Variants in CCDC74B observed in about 807,000 individuals in gnomAD.
The protein encoded by CCDC74B is coiled-coil domain containing 74B, also known as coiled-coil domain-containing protein 74B.
CCDC74B carries 34 observed loss-of-function variants against 38.0 expected under a neutral mutation model. The ratio of observed to expected loss-of-function variants is 0.89; its 90% CI spans 0.68 to 1.19. CCDC74B has a LOEUF of 1.19. CCDC74B is among the 50% of genes most tolerant of loss of function. The pLI, the probability that CCDC74B is intolerant of heterozygous loss-of-function variation, is 0.00. For missense variants in CCDC74B, 358 were observed against 406.0 expected (o/e 0.88, Z 1.02); for synonymous variants, 132 against 170.4 (o/e 0.77, Z 1.76).
rs909231555 is a variant in CCDC74B, at chr2:130,143,282, T to C, written c.282A>G (p.Thr94=). The part of the protein sequence containing the change: ...DLRYKLIMNQ[T]SQKKDSLSTS... Reference sequence around the variant, plus strand: ...CCCAGTTCTCACCTTTCTTCTGTGATGTCTGATTCATTATGAGCTTGTAAC... The same window carrying C: ...CCCAGTTCTCACCTTTCTTCTGTGACGTCTGATTCATTATGAGCTTGTAAC... Residue 94 remains threonine, a synonymous_variant, in exon 2 of 8, where the codon ACA becomes ACG. Coordinates refer to ENST00000409943, the MANE Select transcript of CCDC74B (RefSeq NM_001258307.2). 6.8e-6 allele frequency: 11 copies of C among 1,613,876 alleles called. No individual in the cohort carries two copies. The African/African-American group carries it at 1.3e-4, about 20-fold the overall frequency.
At chr2:130,143,054 C>G (rs1420207158) in intron 2 of CCDC74B, 15 of 1,488,966 alleles carry the variant, frequency 1.0e-5, no homozygotes, top group Non-Finnish European at 1.3e-5. Flanking sequence ...TGACCTCAGG[C>G]CCTGGGCTTC....
At position 130,140,127 on chromosome 2, in the gene CCDC74B, C is replaced by T. The variant is rs750046724; in HGVS notation, c.679-31G>A. 1.5e-5 allele frequency: 24 copies of T among 1,611,646 alleles called. No individual in the cohort carries two copies. In the East Asian group the frequency reaches 5.3e-4, roughly 36 times the overall value. On this transcript the variant is annotated intron_variant, in intron 5 of 7. Coordinates refer to ENST00000409943, the MANE Select transcript of CCDC74B (RefSeq NM_001258307.2). ...AGGCAGGGGCAGGGGCGTGGTGGGGCCTGTGGCGGTGCCAGACTGCCCAGG... is the reference window on the plus strand; with the variant it reads ...AGGCAGGGGCAGGGGCGTGGTGGGGTCTGTGGCGGTGCCAGACTGCCCAGG...
rs774342770 is a variant in CCDC74B at position 130,145,042 on chromosome 2, A to G, written c.-46T>C. The G allele has an allele frequency of 5.7e-6, 8 of 1,408,438 alleles. No individual in the cohort carries two copies. The highest frequency in any genetic ancestry group is 5.6e-6 in the Non-Finnish European group (6 of 1,076,978). 87.2% of individuals were successfully genotyped at this position (1,408,438 alleles called of 1,614,324 possible). A position where few individuals can be genotyped will look rare whatever the true frequency, so the allele number is the denominator to read the frequency against. ...TCCCGCTGCCACTGCACCCCGGCTCAGTGGCCAGGCCGCCCTAGCCTGGCG... is the reference window on the plus strand; with the variant it reads ...TCCCGCTGCCACTGCACCCCGGCTCGGTGGCCAGGCCGCCCTAGCCTGGCG... On this transcript the variant is annotated 5_prime_UTR_variant, in exon 1 of 8. Transcript: ENST00000409943.
chr2:130,142,145 T>C lies in CCDC74B; in HGVS notation c.334A>G (p.Ile112Val), dbSNP rs1292174713. 6.2e-7 allele frequency: 1 copy of C among 1,613,674 alleles called. No individual in the cohort carries two copies. The highest frequency in any genetic ancestry group is 1.7e-5 in the Admixed American group (1 of 60,018). ...STSSFQSVKS[I>V]SNSGKARPQP... ...CCAGCCTGCTCACCTGAATTAGAGA[T>C]GGACTTGACAGACTGGAAGCTTGAC... Residue 112 changes from isoleucine to valine, a missense_variant, in exon 3 of 8, where the codon ATC becomes GTC. Around this residue, in one of 3 missense-constraint regions of CCDC74B, gnomAD observed 17 missense variants for 47.1 expected, o/e 0.36. Transcript: ENST00000409943.
intron 2 of CCDC74B, chr2:130,142,538 G>A (rs781529448): frequency 1.0e-5 from 16 of 1,552,276 alleles, no homozygotes; most frequent in East Asian, 4.9e-5. Context: ...TTGCCACAGC[G>A]GCTAGGGAAG....
At chr2:130,143,100 A>G in intron 2 of CCDC74B, 169 bp downstream of exon 2, 3 of 1,492,010 alleles carry the variant, frequency 2.0e-6, no homozygotes, top group Non-Finnish European at 2.7e-6. Flanking sequence ...GCTGCGTAAC[A>G]TCATCCAGCC....
chr2:130,143,900 C>T (rs10202355), intron 1 of CCDC74B, among the ~76,000 whole-genome samples: 66,197 of 143,456 alleles, frequency 0.46, 16,371 homozygotes, highest in African/African-American at 0.64. Context: ...GGGCCCTCCT[C>T]CTGCTCGGGG....
Position 130,140,222 on chromosome 2 carries a change from A to G in CCDC74B, c.635T>C (p.Leu212Pro), listed in dbSNP as rs754491204. 20 of 1,613,192 alleles carry G rather than the reference A, an allele frequency of 1.2e-5. No individual in the cohort carries two copies. The highest frequency in any genetic ancestry group is 1.7e-5 in the Admixed American group (1 of 59,952). ...KPTTLRQCEV[L>P]IRELWNTNLL... ...GTTGGTATTCCACAGCTCGCGGATG[A>G]GCACTTCGCACTGCCTAAGTGTGGT... The change falls in exon 5 of 8, where the codon CTC (leucine) becomes CCC (proline). Residue 212 changes from leucine (L) to proline (P), a missense_variant. Transcript: ENST00000409943.
At position 130,142,219 on chromosome 2, in the gene CCDC74B, G is replaced by T. The variant is rs376959994; in HGVS notation, c.296-36C>A. 1.9e-6 allele frequency: 3 copies of T among 1,595,166 alleles called. No individual in the cohort carries two copies. The Admixed American group carries it at 5.2e-5, about 28-fold the overall frequency. On this transcript the variant is annotated intron_variant, in intron 2 of 7. Coordinates refer to ENST00000409943, the MANE Select transcript of CCDC74B (RefSeq NM_001258307.2). ...GCGCACAGTGTCGGCGCTACCGCCC[G>T]CAAGACGCCCATGCTTGCCTCCTGG...
Position 130,141,688 on chromosome 2 carries a change from C to T in CCDC74B, c.347-392G>A, listed in dbSNP as rs1685641197. On this transcript the variant is annotated intron_variant, in intron 3 of 7. Transcript: ENST00000409943. The stretch of plus-strand genomic sequence containing the variant: ...GGGCTGAGGAAAATGCCCGGCCTCA[C>T]AGAGTGGGGAAAAGAGGCTCTCTGC... 5 of 365,018 alleles carry T rather than the reference C, an allele frequency of 1.4e-5. No homozygotes were observed. In the South Asian group the frequency reaches 1.7e-4, roughly 13 times the overall value. The allele number at this position is 365,018 out of a possible 1,614,324, so 22.6% of individuals were successfully genotyped here.
rs1685463279 is a variant in CCDC74B at position 130,139,704 on chromosome 2, G to A, written c.810-14C>T. On this transcript the variant is annotated splice_polypyrimidine_tract_variant and intron_variant, in intron 7 of 7. Coordinates refer to ENST00000409943, the MANE Select transcript of CCDC74B (RefSeq NM_001258307.2). ...CTCAGAAGCAGGCTGGGGGCGGGTA[G>A]AGGGACTGTCACCGTGAGCATCCTC... 1.2e-6 allele frequency: 2 copies of A among 1,612,418 alleles called. No individual in the cohort carries two copies. The highest frequency in any genetic ancestry group is 1.7e-6 in the Non-Finnish European group (2 of 1,179,892).
chr2:130,144,599 C>T, intron 1 of CCDC74B, 148 bp downstream of exon 1: 10 of 1,546,706 alleles, frequency 6.5e-6, no homozygotes, highest in South Asian at 2.4e-5. Context: ...GGGGACAGCT[C>T]AGCGTGGCAG....
chr2:130,139,905 G>T lies in CCDC74B; in HGVS notation c.795C>A (p.Ser265Arg), dbSNP rs757449095. The T allele has an allele frequency of 7.4e-6, 12 of 1,612,324 alleles. No individual in the cohort carries two copies. The highest frequency in any genetic ancestry group is 1.0e-5 in the Non-Finnish European group (12 of 1,179,266). Residue 265 changes from serine to arginine, a missense_variant, in exon 7 of 8, where the codon AGC (serine) becomes AGA (arginine). By Grantham distance (110) the Ser-to-Arg change is moderately radical. Around this residue, in one of 3 missense-constraint regions of CCDC74B, gnomAD observed 213 missense variants for 212.3 expected, o/e 1.00. Transcript: ENST00000409943. ...GTGGGACTTACCATTTCTTGGAGAG[G>T]CTCTTGGTGGAGACCTTGGGGAAAT... is the stretch of plus-strand genomic sequence containing the variant. ...ATHFPKVSTKSLSKKCLLLSP... is the reference protein window; with the variant it reads ...ATHFPKVSTKRLSKKCLLLSP...
At chr2:130,144,463 G>T in intron 1 of CCDC74B, 3 of 1,414,632 alleles carry the variant, frequency 2.1e-6, no homozygotes, top group Non-Finnish European at 2.0e-6. Context: ...TTTAACAGAG[G>T]TGTGTCTGAC....
At chr2:130,142,580 T>C (rs1484741933) in intron 2 of CCDC74B, 29 of 1,548,992 alleles carry the variant, frequency 1.9e-5, no homozygotes, top group Admixed American at 3.9e-5. Flanking sequence ...TCCATGTCTC[T>C]CTGGGAAGGG....
chr2:130,141,108 G>C (rs1265517056), intron 4 of CCDC74B, 50 bp downstream of exon 4: 1 of 1,608,790 alleles, frequency 6.2e-7, no homozygotes. Context: ...TAGGGTGCAG[G>C]CAAGACTTAC....
At chr2:130,139,737 G>A (rs372856673) in intron 7 of CCDC74B, 47 bp from the exon 8 acceptor site, 60 of 1,610,938 alleles carry the variant, frequency 3.7e-5, no homozygotes, top group Non-Finnish European at 5.9e-6. Context: ...CTCGCGAGTG[G>A]AGTGTGTGGG....
intron 1 of CCDC74B, 167 bp downstream of exon 1, chr2:130,144,580 C>G: frequency 6.5e-7 from 1 of 1,550,052 alleles, no homozygotes; most frequent in Non-Finnish European, 8.7e-7. Context: ...GGGTCTCCCT[C>G]TGGGAGGAGG....
chr2:130,141,952 C>T, intron 3 of CCDC74B, 181 bp downstream of exon 3: 1 of 682,668 alleles, frequency 1.5e-6, no homozygotes, highest in Non-Finnish European at 2.3e-6. Flanking sequence ...TCCTGCCCAC[C>T]CCCCCTTAAT....
Sources: allele counts gnomAD v4.1 joint callset (sites outside exome capture counted in the v4.1 genomes callset), GRCh38; gene constraint gnomAD v4.1.1; regional missense constraint gnomAD v4.1.1; transcripts MANE v1.5; gene names NCBI Gene and HGNC (gene_info 2026-07-23, HGNC 2026-07-21).